HMGXB3: variants seen among roughly 807,000 people sequenced by gnomAD.
HMGXB3 encodes the protein HMG-box containing 3.
In HMGXB3, 45 loss-of-function variants were observed where a neutral mutation model predicts 121.5. The observed-to-expected ratio is 0.37, with a 90% CI of 0.29 to 0.47. The LOEUF is 0.47. Among genes scored for constraint, HMGXB3 ranks in the 20% least tolerant of loss-of-function variants. HMGXB3 has a pLI of 0.99. For synonymous variants in HMGXB3, 590 were observed against 624.1 expected, an observed-to-expected ratio of 0.95 and a Z score of 0.81; for missense variants, 1,376 against 1,602.2, an observed-to-expected ratio of 0.86 and a Z score of 2.41.
chr5:150,041,740 G>C (rs896241946), intron 14 of HMGXB3, 45 bp from the exon 15 acceptor site: 2 of 1,470,236 alleles, frequency 1.4e-6, no homozygotes, highest in African/African-American at 2.8e-5. Flanking sequence ...AGTGGCTTCA[G>C]TGTCTTTTTC....
chr5:150,032,389 G>A lies in HMGXB3; in HGVS notation c.1834-65G>A, dbSNP rs951673157. On this transcript the variant is annotated intron_variant, in intron 10 of 19. Transcript: ENST00000502717. The stretch of plus-strand genomic sequence containing the variant: ...GATTTACTGGCAGCTGCTCATTCTG[G>A]TTCTGGGTTCTGCCCAGGTTTAACT... 60 of 1,460,708 alleles carry A rather than the reference G, an allele frequency of 4.1e-5. 2 individuals carry two copies. The African/African-American group carries it at 5.2e-4, about 13-fold the overall frequency. The allele number at this position is 1,460,708 out of a possible 1,614,324, so 90.5% of individuals were successfully genotyped here.
At position 150,000,844 on chromosome 5, in the gene HMGXB3, G is replaced by A. The variant is rs1755541311; in HGVS notation, c.-338G>A. On this transcript the variant is annotated 5_prime_UTR_variant, in exon 1 of 20. Transcript: ENST00000502717. ...AGCTCCCCGGGGCTTGACCCCCGGG[G>A]CCCTCGGCAGGCATCGGTGAGGAGC... 6.5e-6 allele frequency: 1 copy of A among 154,790 alleles called. No homozygotes were observed. The highest frequency in any genetic ancestry group is 1.5e-5 in the Non-Finnish European group (1 of 68,224). The allele number at this position is 154,790 out of a possible 1,614,324, so 9.6% of individuals were successfully genotyped here. A position where few individuals can be genotyped will look rare whatever the true frequency, so the allele number is the denominator to read the frequency against.
At chr5:150,005,480 TC>T (rs777481894) in intron 2 of HMGXB3, among the ~76,000 whole-genome samples, 1 of 151,228 alleles carries the variant, frequency 6.6e-6, no homozygotes, top group Non-Finnish European at 1.5e-5. Context: ...ACACCTGTAA[TC>T]CCAGCTGCTT....
chr5:150,028,541 G>GTGTGTATATATA (rs1203886454), intron 9 of HMGXB3, among the ~76,000 whole-genome samples: 2 of 42,086 alleles, frequency 4.8e-5, no homozygotes, highest in Non-Finnish European at 1.0e-4. Flanking sequence ...GTGTGTGTGT[G>GTGTGTATATATA]TATATATATA....
At chr5:150,016,295 C>T (rs1056911159) in intron 5 of HMGXB3, among the ~76,000 whole-genome samples, 7 of 140,964 alleles carry the variant, frequency 5.0e-5, no homozygotes, top group East Asian at 2.2e-4. Context: ...GAGCTGTGAT[C>T]GTGCCACTGC....
chr5:150,018,721 C>G (rs1352181951), intron 6 of HMGXB3, 24 bp downstream of exon 6: 2 of 1,536,198 alleles, frequency 1.3e-6, no homozygotes, highest in Non-Finnish European at 1.8e-6. Flanking sequence ...GCTGTTGCTG[C>G]TTTGGAAGCC....
chr5:150,035,012 A>G (rs1056417517), intron 11 of HMGXB3, among the ~76,000 whole-genome samples: 8 of 152,216 alleles, frequency 5.3e-5, no homozygotes, highest in Non-Finnish European at 1.0e-4. Flanking sequence ...GCTTTCAGAG[A>G]TGAATAGGAC....
intron 5 of HMGXB3, 57 bp downstream of exon 5, chr5:150,012,410 C>G: frequency 8.3e-7 from 1 of 1,198,388 alleles, no homozygotes; most frequent in South Asian, 1.3e-5. Flanking sequence ...CATTTTTTTT[C>G]TAAGTAGATT....
At position 150,052,108 on chromosome 5, in the gene HMGXB3, C is replaced by T. The variant is rs1365667907; in HGVS notation, c.3795C>T (p.Thr1265=). Residue 1265 remains threonine, a synonymous_variant, in exon 20 of 20, where the codon ACC becomes ACT. Transcript: ENST00000502717. ...CTGGTGAGGTGGTCATTCGTGACAC[C>T]CTCTACCGCCTTGGGGTTGCTCAGA... ...CQPGEVVIRD[T]LYRLGVAQIK... is the part of the protein sequence containing the mutation. 1.3e-6 allele frequency: 2 copies of T among 1,551,712 alleles called. No homozygotes were observed. Among genetic ancestry groups the T allele is most frequent in the African/African-American group, 1.4e-5 (1 of 73,176 alleles).
chr5:150,040,069 T>G (rs972112443), intron 13 of HMGXB3, among the ~76,000 whole-genome samples: 2 of 152,162 alleles, frequency 1.3e-5, no homozygotes, highest in African/African-American at 4.8e-5. Flanking sequence ...CAGGTGAAGT[T>G]GTGTGAGGTG....
chr5:150,050,915 A>G (rs1188590894), intron 19 of HMGXB3, among the ~76,000 whole-genome samples: 2 of 152,184 alleles, frequency 1.3e-5, no homozygotes, highest in Non-Finnish European at 2.9e-5. Flanking sequence ...CACCTTTGAG[A>G]GTTATTGTGC....
chr5:150,045,968 G>C (rs1293660067), intron 16 of HMGXB3, among the ~76,000 whole-genome samples: 2 of 152,184 alleles, frequency 1.3e-5, no homozygotes, highest in Non-Finnish European at 2.9e-5. Context: ...AAAAAATGCT[G>C]ATAAGGCTCC....
intron 11 of HMGXB3, among the ~76,000 whole-genome samples, chr5:150,034,507 C>A (rs1756458295): frequency 6.6e-6 from 1 of 152,072 alleles, no homozygotes; most frequent in African/African-American, 2.4e-5. Flanking sequence ...GATGAAGGAA[C>A]TTAACTTCTC....
At chr5:150,051,549 C>A (rs1434652791) in intron 19 of HMGXB3, among the ~76,000 whole-genome samples, 176 bp from the exon 20 acceptor site, 6 of 152,180 alleles carry the variant, frequency 3.9e-5, no homozygotes, top group Non-Finnish European at 5.9e-5. Context: ...GTTACTGTCC[C>A]TGTTCTCACA....
intron 4 of HMGXB3, 51 bp from the exon 5 acceptor site, chr5:150,012,201 GTGT>G: frequency 7.9e-7 from 1 of 1,261,858 alleles, no homozygotes; most frequent in Non-Finnish European, 1.1e-6. Context: ...AGTGGCCTGG[GTGT>G]TCTTTATTAC....
Position 150,012,250 on chromosome 5 carries a change from C to G in HMGXB3, c.811-5C>G, listed in dbSNP as rs1425158034. The G allele has an allele frequency of 6.5e-7, 1 of 1,547,948 alleles. No homozygotes were observed. Among genetic ancestry groups the G allele is most frequent in the East Asian group, 2.4e-5 (1 of 40,888 alleles). The stretch of plus-strand genomic sequence containing the variant: ...TGAAACTGTCCTTCTCTTCATTGCC[C>G]ATAGGATTCCAGTGAGAGTAGCTCC... On this transcript the variant is annotated splice_region_variant and splice_polypyrimidine_tract_variant and intron_variant, in intron 4 of 19. Transcript: ENST00000502717.
intron 1 of HMGXB3, among the ~76,000 whole-genome samples, chr5:150,002,567 CTA>C (rs1180928633): frequency 6.6e-6 from 1 of 152,222 alleles, no homozygotes; most frequent in Non-Finnish European, 1.5e-5. Context: ...TCAGGGGCAA[CTA>C]TGTTATTTCC....
intron 15 of HMGXB3, 109 bp downstream of exon 15, chr5:150,042,078 G>A: frequency 2.5e-6 from 2 of 813,422 alleles, no homozygotes; most frequent in Non-Finnish European, 3.7e-6. Context: ...CTGTCTAGGT[G>A]AGGCAAGTGA....
chr5:150,021,944 G>C (rs771858542), intron 6 of HMGXB3: 1 of 467,768 alleles, frequency 2.1e-6, no homozygotes, highest in African/African-American at 2.0e-5. Context: ...CTTCCTGACC[G>C]ACTTGTTCCT....
Sources: allele counts gnomAD v4.1 joint callset (sites outside exome capture counted in the v4.1 genomes callset), GRCh38; gene constraint gnomAD v4.1.1; transcripts MANE v1.5; gene names NCBI Gene and HGNC (gene_info 2026-07-23, HGNC 2026-07-21).